Variants in TSC22D3 observed in about 807,000 individuals in gnomAD.
TSC22D3 encodes the protein TSC22 domain family protein 3.
In TSC22D3, 4 loss-of-function variants were observed where a neutral mutation model predicts 11.1. That is an observed-to-expected ratio of 0.36 (90% CI 0.18 to 0.83). The LOEUF (loss-of-function observed/expected upper bound fraction) is 0.83. Among genes scored for constraint, TSC22D3 ranks in the 40% least tolerant of loss-of-function variants. The pLI, the probability that TSC22D3 is intolerant of heterozygous loss-of-function variation, is 0.48. For missense variants in TSC22D3, 118 were observed against 159.4 expected (o/e 0.74, Z 1.40); for synonymous variants, 77 against 70.3 (o/e 1.10, Z -0.48).
intron 1 of TSC22D3, among the ~76,000 whole-genome samples, chrX:107,740,408 C>T (rs943566711): frequency 1.8e-5 from 2 of 111,505 alleles, no homozygotes; most frequent in Admixed American, 9.4e-5. Flanking sequence ...ATGGTGAAAC[C>T]CCGTCTCTAC....
chrX:107,759,534 C>T (rs1012552521), intron 1 of TSC22D3, among the ~76,000 whole-genome samples: 22 of 112,109 alleles, frequency 2.0e-4, no homozygotes, highest in African/African-American at 7.1e-4. Context: ...AGTCTGGACT[C>T]GAACCCAAAT....
intron 1 of TSC22D3, among the ~76,000 whole-genome samples, chrX:107,721,085 C>A (rs1417454140): frequency 8.9e-6 from 1 of 111,924 alleles, no homozygotes; most frequent in Admixed American, 9.4e-5. Context: ...GGCAACAGCA[C>A]CTCACTGAGG....
intron 1 of TSC22D3, among the ~76,000 whole-genome samples, chrX:107,755,827 G>A (rs12390769): frequency 0.024 from 2,653 of 111,851 alleles, 89 homozygotes; most frequent in African/African-American, 0.082. Context: ...AATAAAGCCC[G>A]TGAACAATGC....
chrX:107,752,798 C>T lies in TSC22D3; in HGVS notation c.320+22302G>A, dbSNP rs567285112. Among the ~76,000 whole-genome samples, 9 of 111,861 alleles carry T rather than the reference C, an allele frequency of 8.0e-5. No individual in the cohort carries two copies. The South Asian group carries it at 1.5e-3, about 19-fold the overall frequency. ...AATGAGGTTGCCAAGGGAGCTGGTC[C>T]GGCAGCCTTGCAGAGGAGAAGGGGC... On this transcript the variant is annotated intron_variant, in intron 1 of 2. Coordinates refer to ENST00000372383, the MANE Select transcript of TSC22D3 (RefSeq NM_198057.3).
intron 1 of TSC22D3, among the ~76,000 whole-genome samples, chrX:107,746,740 A>G (rs1393004401): frequency 8.9e-6 from 1 of 112,468 alleles, no homozygotes; most frequent in Admixed American, 9.4e-5. Flanking sequence ...TGACATATGT[A>G]CGGAGTTACA....
intron 1 of TSC22D3, among the ~76,000 whole-genome samples, chrX:107,733,808 G>T: frequency 8.9e-6 from 1 of 112,008 alleles, no homozygotes; most frequent in East Asian, 2.8e-4. Flanking sequence ...CCATTGTTTG[G>T]TTACTTGCGC....
intron 1 of TSC22D3, among the ~76,000 whole-genome samples, chrX:107,749,297 C>T (rs1280565879): frequency 1.8e-5 from 2 of 110,003 alleles, no homozygotes; most frequent in Non-Finnish European, 3.8e-5. Context: ...ATTGATTGAA[C>T]CTGGGAGGCA....
At chrX:107,755,667 T>C (rs766605604) in intron 1 of TSC22D3, among the ~76,000 whole-genome samples, 1 of 112,644 alleles carries the variant, frequency 8.9e-6, no homozygotes, top group Non-Finnish European at 1.9e-5. Context: ...CCACCAAATC[T>C]TATCCGAATC....
At chrX:107,742,166 G>A (rs1315956149) in intron 1 of TSC22D3, among the ~76,000 whole-genome samples, 2 of 110,072 alleles carry the variant, frequency 1.8e-5, no homozygotes, top group Non-Finnish European at 1.9e-5. Context: ...GCTTCCGGGT[G>A]CCTTCACAGA....
Position 107,743,114 on chromosome X carries a change from T to C in TSC22D3, c.321-27164A>G, listed in dbSNP as rs181676202. On this transcript the variant is annotated intron_variant, in intron 1 of 2. Transcript: ENST00000372383. ...CTGACCCGCTGCCCCACCACGCCCATCCAAGGCTGGAACCAGAGCGGCCCT... is the reference window on the plus strand; with the variant it reads ...CTGACCCGCTGCCCCACCACGCCCACCCAAGGCTGGAACCAGAGCGGCCCT... Among the ~76,000 whole-genome samples, 23 of 112,267 alleles carry C rather than the reference T, an allele frequency of 2.0e-4. No individual in the cohort carries two copies. In the East Asian group the frequency reaches 6.2e-3, roughly 30 times the overall value.
At chrX:107,772,292 A>G (rs1569455781) in intron 1 of TSC22D3, among the ~76,000 whole-genome samples, 1 of 112,025 alleles carries the variant, frequency 8.9e-6, no homozygotes, top group Non-Finnish European at 1.9e-5. Context: ...TGACAAAGGA[A>G]AAAAGCACCC....
At chrX:107,747,296 T>C (rs1462468841) in intron 1 of TSC22D3, among the ~76,000 whole-genome samples, 1 of 112,429 alleles carries the variant, frequency 8.9e-6, no homozygotes, top group Non-Finnish European at 1.9e-5. Context: ...CCTGCCAGGC[T>C]TACTCTGTTC....
At chrX:107,743,448 G>A (rs1241289079) in intron 1 of TSC22D3, among the ~76,000 whole-genome samples, 3 of 111,891 alleles carry the variant, frequency 2.7e-5, no homozygotes, top group African/African-American at 9.8e-5. Context: ...GGCAGTAGAA[G>A]TCAAGGTACT....
chrX:107,728,237 T>G (rs981522591), intron 1 of TSC22D3, among the ~76,000 whole-genome samples: 1 of 112,424 alleles, frequency 8.9e-6, no homozygotes, highest in Non-Finnish European at 1.9e-5. Context: ...ATTCATGAAT[T>G]AGTCTTCTGT....
Position 107,775,108 on chromosome X carries a change from G to A in TSC22D3, c.312C>T (p.Phe104=), listed in dbSNP as rs1435741766. Residue 104 remains phenylalanine (F), a synonymous_variant, in exon 1 of 3, where the codon TTC becomes TTT. Transcript: ENST00000372383. ...IDQTMLSILL[F]FHSASGASVV... is the part of the protein sequence containing the mutation. ...TGTGCCGAGCCACCCACCTGTGGAAGAAGAGCAGGATGGAGAGCATGGTCT... is the reference window on the plus strand; with the variant it reads ...TGTGCCGAGCCACCCACCTGTGGAAAAAGAGCAGGATGGAGAGCATGGTCT... The A allele has an allele frequency of 8.3e-7, 1 of 1,210,642 alleles. No individual in the cohort carries two copies. Among genetic ancestry groups the A allele is most frequent in the Non-Finnish European group, 1.1e-6 (1 of 894,586 alleles).
At chrX:107,722,349 C>T (rs1927376856) in intron 1 of TSC22D3, 1 of 114,538 alleles carries the variant, frequency 8.7e-6, no homozygotes, top group African/African-American at 3.2e-5. Flanking sequence ...TGTCCAAGGT[C>T]CCATGTGAGC....
intron 1 of TSC22D3, chrX:107,717,176 C>A (rs950129453): frequency 1.6e-6 from 1 of 642,730 alleles, no homozygotes; most frequent in Non-Finnish European, 1.9e-6. Context: ...TAAACCACAT[C>A]CCCTCCCTGA....
intron 1 of TSC22D3, among the ~76,000 whole-genome samples, chrX:107,753,852 G>A (rs1205493741): frequency 9.1e-6 from 1 of 110,247 alleles, no homozygotes; most frequent in Non-Finnish European, 1.9e-5. Context: ...TTTCATATCA[G>A]CCCAAATAAT....
intron 1 of TSC22D3, among the ~76,000 whole-genome samples, chrX:107,772,039 A>T (rs1427525804): frequency 8.9e-6 from 1 of 112,766 alleles, no homozygotes; most frequent in Non-Finnish European, 1.9e-5. Flanking sequence ...TATAACTAAA[A>T]GCCAAGGGAA....
Sources: allele counts gnomAD v4.1 joint callset (sites outside exome capture counted in the v4.1 genomes callset), GRCh38; gene constraint gnomAD v4.1.1; transcripts MANE v1.5; gene names NCBI Gene and HGNC (gene_info 2026-07-23, HGNC 2026-07-21).